The following CNTNAP5 variants were observed in gnomAD, a reference collection of about 807,000 sequenced individuals.
CNTNAP5 encodes contactin associated protein family member 5.
Under a neutral mutation model 150.2 loss-of-function variants are expected in CNTNAP5, and 72 were observed. That is an observed-to-expected ratio of 0.48 (90% CI 0.40 to 0.58). The LOEUF (loss-of-function observed/expected upper bound fraction) is 0.58, where lower values mean the gene tolerates loss of function less well. Ranked by LOEUF, CNTNAP5 falls within the 20% of genes least tolerant of loss-of-function variation. The pLI is 0.00. For missense variants in CNTNAP5, 1,636 were observed against 1,626.2 expected (o/e 1.01, Z -0.10); for synonymous variants, 672 against 619.8 (o/e 1.08, Z -1.25).
intron 18 of CNTNAP5, 29 bp downstream of exon 18, chr2:124,790,170 G>T: frequency 6.3e-7 from 1 of 1,577,300 alleles, no homozygotes; most frequent in Non-Finnish European, 8.6e-7. Context: ...TTTCTCCTGA[G>T]TGCAGTGCTG....
chr2:124,355,975 T>C lies in CNTNAP5; in HGVS notation c.382-61468T>C, dbSNP rs77514149. The stretch of plus-strand genomic sequence containing the variant: ...AAATGAAATGGAAATGATTCTACTT[T>C]TCTCATATATTTTATAAATCTGTGA... On this transcript the variant is annotated intron_variant, in intron 3 of 23. Transcript: ENST00000682447. 3.4e-3 allele frequency among the ~76,000 whole-genome samples: 513 copies of C among 152,252 alleles called. 1 individual carries two copies. The highest frequency in any genetic ancestry group is 5.9e-3 in the Non-Finnish European group (398 of 68,010).
chr2:124,050,736 T>C (rs2104642306), intron 1 of CNTNAP5, among the ~76,000 whole-genome samples: 1 of 152,260 alleles, frequency 6.6e-6, no homozygotes, highest in South Asian at 2.1e-4. Context: ...GAATATAGCT[T>C]TGTACTTTGA....
chr2:124,601,828 A>C (rs1027970278), intron 11 of CNTNAP5, among the ~76,000 whole-genome samples: 5 of 152,234 alleles, frequency 3.3e-5, no homozygotes, highest in African/African-American at 1.2e-4. Context: ...TCAGCAGTGA[A>C]ACTGGAATTG....
At chr2:124,391,094 T>C (rs1573962326) in intron 3 of CNTNAP5, among the ~76,000 whole-genome samples, 1 of 152,222 alleles carries the variant, frequency 6.6e-6, no homozygotes, top group South Asian at 2.1e-4. Context: ...ACAAGTCGTT[T>C]GAACTCCATG....
At chr2:124,080,140 T>A (rs1187034442) in intron 1 of CNTNAP5, among the ~76,000 whole-genome samples, 1 of 152,168 alleles carries the variant, frequency 6.6e-6, no homozygotes, top group Non-Finnish European at 1.5e-5. Context: ...ACTATGGAGA[T>A]TGAGTTAAAA....
chr2:124,339,078 A>T, intron 3 of CNTNAP5, among the ~76,000 whole-genome samples: 1 of 152,132 alleles, frequency 6.6e-6, no homozygotes, highest in East Asian at 1.9e-4. Flanking sequence ...TGAGTGCCTT[A>T]TGTTTTCTCA....
rs373348257 is a variant in CNTNAP5 at position 124,911,525 on chromosome 2, G to C, written c.3714G>C (p.Ser1238=). Residue 1238 remains serine, a synonymous_variant, in exon 23 of 24, where the codon TCG becomes TCC. Coordinates refer to ENST00000682447, the MANE Select transcript of CNTNAP5 (RefSeq NM_001367498.1). ...EPLTNAVRSD[S]AVIGGVIAVV... is the part of the protein sequence containing the mutation. ...TCACAAATGCTGTTCGAAGTGATTC[G>C]GCAGTCATCGGAGGTAAACAATTCA... 1 of 1,598,040 alleles carries C rather than the reference G, an allele frequency of 6.3e-7. No homozygotes were observed. The highest frequency in any genetic ancestry group is 1.1e-5 in the South Asian group (1 of 88,474).
intron 11 of CNTNAP5, among the ~76,000 whole-genome samples, chr2:124,583,105 T>G: frequency 6.6e-6 from 1 of 152,214 alleles, no homozygotes; most frequent in East Asian, 1.9e-4. Flanking sequence ...TAGTAAGATT[T>G]ATTAGAATTT....
At chr2:124,729,552 A>G (rs10185492) in intron 13 of CNTNAP5, among the ~76,000 whole-genome samples, 38,722 of 151,940 alleles carry the variant, frequency 0.25, 5,557 homozygotes, top group Non-Finnish European at 0.34. Flanking sequence ...TACATTTTTG[A>G]TATCTCTGAA....
intron 1 of CNTNAP5, among the ~76,000 whole-genome samples, chr2:124,076,265 T>C (rs935961940): frequency 6.6e-6 from 1 of 152,138 alleles, no homozygotes; most frequent in Non-Finnish European, 1.5e-5. Flanking sequence ...GGAAATATAG[T>C]TGATTTTGCA....
intron 1 of CNTNAP5, among the ~76,000 whole-genome samples, chr2:124,198,133 T>C (rs1035886864): frequency 6.6e-6 from 1 of 152,010 alleles, no homozygotes; most frequent in Non-Finnish European, 1.5e-5. Context: ...ACTTTAATTT[T>C]TATCTGTCTA....
At chr2:124,384,881 C>T (rs976196346) in intron 3 of CNTNAP5, among the ~76,000 whole-genome samples, 1 of 152,170 alleles carries the variant, frequency 6.6e-6, no homozygotes, top group African/African-American at 2.4e-5. Context: ...GCTGTGCCTA[C>T]CTTTCCCATC....
At chr2:124,388,978 TCATTCCTGAACCAAAGCGGCTGAACG>T (rs1449407548) in intron 3 of CNTNAP5, among the ~76,000 whole-genome samples, 1 of 152,184 alleles carries the variant, frequency 6.6e-6, no homozygotes, top group Non-Finnish European at 1.5e-5. Flanking sequence ...CAGGGTTCAT[TCATTCCTGAACCAAAGCGGCTGAACG>T]ATGTCAACAG....
In CNTNAP5 at chr2:124,124,712, C is replaced by A. The variant is rs202222750; in HGVS notation, c.83-96993C>A. 1.2e-4 allele frequency among the ~76,000 whole-genome samples: 18 copies of A among 152,214 alleles called. No individual in the cohort carries two copies. The East Asian group carries it at 1.5e-3, about 13-fold the overall frequency. On this transcript the variant is annotated intron_variant, in intron 1 of 23. Transcript: ENST00000682447. Reference sequence around the variant, plus strand: ...GAAGCCCATCAGACTAACAGCAGATCTCTCAGAAGAAACTCTACAAGCCAG... The same window carrying A: ...GAAGCCCATCAGACTAACAGCAGATATCTCAGAAGAAACTCTACAAGCCAG...
intron 1 of CNTNAP5, among the ~76,000 whole-genome samples, chr2:124,066,795 T>C (rs1254003366): frequency 2.0e-5 from 3 of 152,196 alleles, no homozygotes; most frequent in Non-Finnish European, 4.4e-5. Context: ...TGCTTCCTGA[T>C]CATTTTTGTG....
At chr2:124,669,223 A>AAATGATT (rs1166637949) in intron 13 of CNTNAP5, among the ~76,000 whole-genome samples, 1 of 152,242 alleles carries the variant, frequency 6.6e-6, no homozygotes, top group Admixed American at 6.5e-5. Flanking sequence ...GGGAGATATT[A>AAATGATT]AATGATTAGT....
At chr2:124,604,662 C>T (rs1297185908) in intron 11 of CNTNAP5, among the ~76,000 whole-genome samples, 1 of 152,146 alleles carries the variant, frequency 6.6e-6, no homozygotes, top group Non-Finnish European at 1.5e-5. Context: ...GATTAACCAC[C>T]TACAAGCTGG....
chr2:124,911,539 G>A lies in CNTNAP5; in HGVS notation c.3727+1G>A. On this transcript the variant is annotated splice_donor_variant, in intron 23 of 23. Coordinates refer to ENST00000682447, the MANE Select transcript of CNTNAP5 (RefSeq NM_001367498.1). LOFTEE classifies it high-confidence loss of function. ...CGAAGTGATTCGGCAGTCATCGGAG[G>A]TAAACAATTCATTGTTGTTGAATGC... is the stretch of plus-strand genomic sequence containing the variant. 6.3e-7 allele frequency: 1 copy of A among 1,590,910 alleles called. No homozygotes were observed. The highest frequency in any genetic ancestry group is 8.6e-7 in the Non-Finnish European group (1 of 1,166,888).
In CNTNAP5 at chr2:124,357,493, C is replaced by T. The variant is rs1180447055; in HGVS notation, c.382-59950C>T. Among the ~76,000 whole-genome samples, 346 of 152,016 alleles carry T rather than the reference C, an allele frequency of 2.3e-3. 1 individual carries two copies. The highest frequency in any genetic ancestry group is 3.5e-3 in the Non-Finnish European group (237 of 67,926). On this transcript the variant is annotated intron_variant, in intron 3 of 23. Transcript: ENST00000682447. ...TGAATTGATTTTTGTATAAGGTGTA[C>T]GGAAGGGATCCAGTTTCAGCTTTCT...
Sources: gnomAD v4.1 joint callset for allele counts (sites outside exome capture counted in the v4.1 genomes callset) on GRCh38, gnomAD v4.1.1 for gene constraint, MANE v1.5 for transcripts, NCBI Gene and HGNC (gene_info 2026-07-23, HGNC 2026-07-21) for gene names.